MAGI2: variants seen among roughly 807,000 people sequenced by gnomAD.
MAGI2 encodes the protein membrane associated guanylate kinase, WW and PDZ domain containing 2.
MAGI2 carries 35 observed loss-of-function variants against 133.3 expected under a neutral mutation model. The observed-to-expected ratio is 0.26, with a 90% CI of 0.20 to 0.35. The LOEUF (loss-of-function observed/expected upper bound fraction) is 0.35. Ranked by LOEUF, MAGI2 falls within the 10% of genes least tolerant of loss-of-function variation. MAGI2 has a pLI of 1.00. For missense variants in MAGI2, 1,636 were observed against 1,863.4 expected (o/e 0.88, Z 2.25); for synonymous variants, 729 against 710.6 (o/e 1.03, Z -0.41).
intron 2 of MAGI2, among the ~76,000 whole-genome samples, chr7:78,776,936 A>C (rs1826033053): frequency 6.6e-6 from 1 of 152,204 alleles, no homozygotes. Flanking sequence ...GAGTGTGTGT[A>C]TAGATTACTT....
At chr7:79,190,295 G>A (rs1411892318) in intron 1 of MAGI2, among the ~76,000 whole-genome samples, 1 of 151,838 alleles carries the variant, frequency 6.6e-6, no homozygotes, top group Non-Finnish European at 1.5e-5. Context: ...AATTGGTGTT[G>A]TGTTTTAAGT....
At chr7:79,046,857 G>A (rs1014000509) in intron 1 of MAGI2, among the ~76,000 whole-genome samples, 1 of 152,178 alleles carries the variant, frequency 6.6e-6, no homozygotes, top group Non-Finnish European at 1.5e-5. Flanking sequence ...GAAATGTGTA[G>A]TGCCTCACTA....
At chr7:78,709,713 G>A (rs1261478244) in intron 2 of MAGI2, among the ~76,000 whole-genome samples, 1 of 152,194 alleles carries the variant, frequency 6.6e-6, no homozygotes, top group African/African-American at 2.4e-5. Context: ...ATGTGTTTGT[G>A]CCTTAGCTAA....
At chr7:79,061,694 T>G (rs1813759545) in intron 1 of MAGI2, among the ~76,000 whole-genome samples, 1 of 152,058 alleles carries the variant, frequency 6.6e-6, no homozygotes, top group African/African-American at 2.4e-5. Flanking sequence ...AGATCGAAAA[T>G]GACTGCTACT....
intron 2 of MAGI2, among the ~76,000 whole-genome samples, chr7:78,726,919 G>GTT (rs573285679): frequency 0.044 from 6,331 of 144,084 alleles, 193 homozygotes; most frequent in Non-Finnish European, 0.068. Flanking sequence ...AGATGCATGG[G>GTT]TTTTTTTTTT....
intron 3 of MAGI2, among the ~76,000 whole-genome samples, chr7:78,573,076 T>TATACACACAC (rs1230373322): frequency 5.7e-5 from 3 of 52,580 alleles, no homozygotes; most frequent in African/African-American, 1.9e-4. Flanking sequence ...TATATATATA[T>TATACACACAC]ACACACACAC....
rs1801584803 is a variant in MAGI2, at chr7:78,948,197, C to T, written c.418+58893G>A. Among the ~76,000 whole-genome samples the T allele has an allele frequency of 7.9e-5, 12 of 152,148 alleles. No individual in the cohort carries two copies. In the South Asian group the frequency reaches 2.5e-3, roughly 32 times the overall value. On this transcript the variant is annotated intron_variant, in intron 2 of 21. Coordinates refer to ENST00000354212, the MANE Select transcript of MAGI2 (RefSeq NM_012301.4). ...TTGAAAATTAAATATATGTTATTGA[C>T]ATATTTTGAACACCTGAGTCACTTC... is the stretch of plus-strand genomic sequence containing the variant.
intron 10 of MAGI2, among the ~76,000 whole-genome samples, chr7:78,222,106 A>C (rs1788892636): frequency 6.6e-6 from 1 of 152,060 alleles, no homozygotes; most frequent in African/African-American, 2.4e-5. Context: ...CATTCAGGAG[A>C]GATGAGAGGT....
intron 9 of MAGI2, among the ~76,000 whole-genome samples, chr7:78,269,016 A>G (rs1471105083): frequency 6.6e-6 from 1 of 152,130 alleles, no homozygotes; most frequent in Non-Finnish European, 1.5e-5. Flanking sequence ...CCTCACACTT[A>G]TGAGTGAGAA....
At chr7:78,630,729 G>T (rs1808896659) in intron 2 of MAGI2, among the ~76,000 whole-genome samples, 1 of 151,728 alleles carries the variant, frequency 6.6e-6, no homozygotes, top group Non-Finnish European at 1.5e-5. Context: ...GTAACTTTTT[G>T]ATTACTCTAT....
chr7:79,082,629 G>A (rs1180972179), intron 1 of MAGI2, among the ~76,000 whole-genome samples: 2 of 151,996 alleles, frequency 1.3e-5, no homozygotes, highest in Non-Finnish European at 2.9e-5. Flanking sequence ...TTATGAAATT[G>A]GAATTTATAA....
intron 2 of MAGI2, among the ~76,000 whole-genome samples, chr7:78,690,515 C>G (rs1269174912): frequency 6.6e-6 from 1 of 152,128 alleles, no homozygotes; most frequent in African/African-American, 2.4e-5. Flanking sequence ...TACTTTTTGT[C>G]CTTCTTTAAA....
intron 1 of MAGI2, among the ~76,000 whole-genome samples, chr7:79,267,118 C>T (rs1474621480): frequency 6.6e-6 from 1 of 152,100 alleles, no homozygotes; most frequent in African/African-American, 2.4e-5. Flanking sequence ...TTGCAATTTC[C>T]CCTTTCCCGA....
intron 2 of MAGI2, among the ~76,000 whole-genome samples, chr7:78,767,347 CT>C (rs3086253): frequency 0.016 from 2,393 of 145,758 alleles, 23 homozygotes; most frequent in African/African-American, 0.035. Context: ...AGGCAACACA[CT>C]TTTTTTTTTT....
chr7:78,903,059 C>G (rs1406351842), intron 2 of MAGI2, among the ~76,000 whole-genome samples: 1 of 150,870 alleles, frequency 6.6e-6, no homozygotes, highest in Non-Finnish European at 1.5e-5. Context: ...AGAAGGCAGT[C>G]TGAACTCATT....
rs1384804090 is a variant in MAGI2, at chr7:78,370,873, C to A, written c.1046-1660G>T. Among the ~76,000 whole-genome samples, 4 of 151,836 alleles carry A rather than the reference C, an allele frequency of 2.6e-5. No homozygotes were observed. In the East Asian group the frequency reaches 7.7e-4, roughly 29 times the overall value. On this transcript the variant is annotated intron_variant, in intron 6 of 21. Coordinates refer to ENST00000354212, the MANE Select transcript of MAGI2 (RefSeq NM_012301.4). ...TCTGCAGCCAAAGATATGATTCATA[C>A]TAAGAAGGATAATTTAAACTTACAA...
intron 6 of MAGI2, among the ~76,000 whole-genome samples, chr7:78,458,735 T>C (rs927624188): frequency 6.6e-5 from 10 of 151,778 alleles, no homozygotes; most frequent in Non-Finnish European, 1.5e-4. Flanking sequence ...CCTGGGTTCA[T>C]GACATTCTCC....
At chr7:78,871,268 G>A (rs376198801) in intron 2 of MAGI2, among the ~76,000 whole-genome samples, 7 of 152,130 alleles carry the variant, frequency 4.6e-5, no homozygotes, top group Admixed American at 1.3e-4. Context: ...CCAAGATCGC[G>A]CCACTGCACT....
At chr7:78,397,366 TACAC>T (rs71085528) in intron 6 of MAGI2, among the ~76,000 whole-genome samples, 2,093 of 147,770 alleles carry the variant, frequency 0.014, 42 homozygotes, top group African/African-American at 0.044. Flanking sequence ...TTGAAATTCC[TACAC>T]ACACACACAC....
Sources: allele counts gnomAD v4.1 joint callset (sites outside exome capture counted in the v4.1 genomes callset), GRCh38; gene constraint gnomAD v4.1.1; transcripts MANE v1.5; gene names NCBI Gene and HGNC (gene_info 2026-07-23, HGNC 2026-07-21).